MRC2: variants seen among roughly 807,000 people sequenced by gnomAD.
MRC2 encodes the protein C-type mannose receptor 2.
In MRC2, 84 loss-of-function variants were observed where a neutral mutation model predicts 206.2. The ratio of observed to expected loss-of-function variants is 0.41; its 90% confidence interval spans 0.34 to 0.49. The LOEUF (loss-of-function observed/expected upper bound fraction) is 0.49. Among genes scored for constraint, MRC2 ranks in the 20% least tolerant of loss-of-function variants. The pLI is 0.31. For missense variants in MRC2, 1,676 were observed against 2,001.5 expected, an observed-to-expected ratio of 0.84 and a Z score of 3.10; for synonymous variants, 798 against 800.0, an observed-to-expected ratio of 1.00 and a Z score of 0.04.
chr17:62,667,068 A>G lies in MRC2; in HGVS notation c.973+198A>G, dbSNP rs527626187. 1.2e-3 allele frequency among the ~76,000 whole-genome samples: 184 copies of G among 152,002 alleles called. No individual in the cohort carries two copies. Among genetic ancestry groups the G allele is most frequent in the African/African-American group, 4.3e-3 (177 of 41,480 alleles). ...CCCCAGGCCGAAGGTCTTGGTGCAT[A>G]TGGACTGGGTGCCAGCCTCCACTCA... On this transcript the variant is annotated intron_variant, in intron 5 of 29. Transcript: ENST00000303375. This position sits in a 1 kb window ranked among gnomAD's most constrained non-coding sequence, Gnocchi z 4.1.
At position 62,675,926 on chromosome 17, in the gene MRC2, C is replaced by T; in HGVS notation, c.1685+21C>T. On this transcript the variant is annotated intron_variant, in intron 10 of 29. Coordinates refer to ENST00000303375, the MANE Select transcript of MRC2 (RefSeq NM_006039.5). This position sits in a 1 kb window ranked among gnomAD's most constrained non-coding sequence, Gnocchi z 4.1. ...AACAGGTACAGCAGGGGCGGGTGCCCTGACTAGCCCTTGCCCATGTCTGGG... is the reference window on the plus strand; with the variant it reads ...AACAGGTACAGCAGGGGCGGGTGCCTTGACTAGCCCTTGCCCATGTCTGGG... 6.3e-7 allele frequency: 1 copy of T among 1,597,288 alleles called. No homozygotes were observed.
intron 1 of MRC2, among the ~76,000 whole-genome samples, chr17:62,633,343 A>G (rs1164318152): frequency 6.6e-6 from 1 of 151,894 alleles, no homozygotes; most frequent in African/African-American, 2.4e-5. Flanking sequence ...TCTACTAAAA[A>G]TACAAAAAAT....
At chr17:62,676,954 C>T (rs2088900236) in intron 11 of MRC2, among the ~76,000 whole-genome samples, 1 of 152,244 alleles carries the variant, frequency 6.6e-6, no homozygotes, top group South Asian at 2.1e-4. Context: ...AATACAAGTG[C>T]TTGTTATTAC....
At chr17:62,651,381 C>A (rs574812178) in intron 1 of MRC2, among the ~76,000 whole-genome samples, 1 of 151,998 alleles carries the variant, frequency 6.6e-6, no homozygotes, top group Non-Finnish European at 1.5e-5. Flanking sequence ...TGCGCCCGGC[C>A]GACAAACATC....
intron 1 of MRC2, among the ~76,000 whole-genome samples, chr17:62,636,726 C>G (rs1029320343): frequency 6.6e-6 from 1 of 152,100 alleles, no homozygotes; most frequent in African/African-American, 2.4e-5. Context: ...CCCGCCTCAG[C>G]CTCCCAAGTG....
chr17:62,689,798 G>T (rs778494848), intron 24 of MRC2, 38 bp downstream of exon 24: 1 of 1,529,972 alleles, frequency 6.5e-7, no homozygotes. Context: ...CCCCAGCCTT[G>T]CCCGGGTTCC....
In MRC2 at chr17:62,652,859, A is replaced by C. The variant is rs1394897970; in HGVS notation, c.119-11689A>C. 8.4e-5 allele frequency among the ~76,000 whole-genome samples: 10 copies of C among 119,544 alleles called. No individual in the cohort carries two copies. The highest frequency in any genetic ancestry group is 2.7e-4 in the East Asian group (1 of 3,712). 78.4% of individuals were successfully genotyped at this position (119,544 alleles called of 152,430 possible). A position where few individuals can be genotyped will look rare whatever the true frequency, so the allele number is the denominator to read the frequency against. ...GGGGCGTGCCGCAGATTGAGGGCGA[A>C]CGGTGGCTTGGGGAGGGGCGCTCCT... On this transcript the variant is annotated intron_variant, in intron 1 of 29. Coordinates refer to ENST00000303375, the MANE Select transcript of MRC2 (RefSeq NM_006039.5). The surrounding 1 kb of genome is among the most constrained non-coding windows in gnomAD (Gnocchi z 4.6).
In MRC2 at chr17:62,680,301, C is replaced by A. The variant is rs1336692325; in HGVS notation, c.2430C>A (p.Ile810=). 3 of 1,613,912 alleles carry A rather than the reference C, an allele frequency of 1.9e-6. No individual in the cohort carries two copies. The highest frequency in any genetic ancestry group is 1.1e-5 in the South Asian group (1 of 91,074). Residue 810 remains isoleucine (I), a synonymous_variant, in exon 15 of 30, where the codon ATC becomes ATA. Transcript: ENST00000303375. This position sits in a 1 kb window ranked among gnomAD's most constrained non-coding sequence, Gnocchi z 4.8. ...CACAGCTGGACTGGATCTGCAAGAT[C>A]CCCAGAGGTTGGCCGGAGTGGCGCT... ...CDTQLDWICK[I]PRGTDVREPD...
Position 62,627,930 on chromosome 17 carries a change from T to C in MRC2, c.118+10T>C. 2 of 1,425,610 alleles carry C rather than the reference T, an allele frequency of 1.4e-6. No individual in the cohort carries two copies. Among genetic ancestry groups the C allele is most frequent in the Non-Finnish European group, 1.8e-6 (2 of 1,099,052 alleles). 88.3% of individuals were successfully genotyped at this position (1,425,610 alleles called of 1,614,324 possible). A position where few individuals can be genotyped will look rare whatever the true frequency, so the allele number is the denominator to read the frequency against. On this transcript the variant is annotated intron_variant, in intron 1 of 29. Coordinates refer to ENST00000303375, the MANE Select transcript of MRC2 (RefSeq NM_006039.5). ...GACGCCGCCCTCCCGGGTAAGGCGC[T>C]GCCAACTTGGCCAACTTCAGGGCCC...
In MRC2 at chr17:62,678,577, C is replaced by T; in HGVS notation, c.2126C>T (p.Ala709Val). The T allele has an allele frequency of 6.2e-7, 1 of 1,608,316 alleles. No individual in the cohort carries two copies. Among genetic ancestry groups the T allele is most frequent in the Non-Finnish European group, 8.5e-7 (1 of 1,178,504 alleles). ...CAGGGGGCCTGCCAGGAGCTGGGGG[C>T]CCAGCTGCTGAGCCTGGCCAGCTAC... ...QAQGACQELG[A>V]QLLSLASYEE... The change falls in exon 13 of 30, where the codon GCC (alanine) becomes GTC (valine). Residue 709 changes from alanine to valine, a missense_variant. By Grantham distance (64) the Ala-to-Val change is moderately conservative (BLOSUM62 0). Around this residue, in one of 3 missense-constraint regions of MRC2, gnomAD observed 1,354 missense variants for 1,636.6 expected, o/e 0.83. Coordinates refer to ENST00000303375, the MANE Select transcript of MRC2 (RefSeq NM_006039.5).
chr17:62,689,545 G>T lies in MRC2; in HGVS notation c.3358G>T (p.Ala1120Ser). ...AGACCCCTCCCTGAGCCCGTCCCCA[G>T]CAGCGCTGCCCCCCGCCCCGGGCAC... The part of the protein sequence containing the change: ...GTDPSLSPSP[A>S]ALPPAPGTEL... The change falls in exon 24 of 30, where the codon GCA becomes TCA. Residue 1120 changes from alanine to serine, a missense_variant. By Grantham distance (99) the Ala-to-Ser change is moderately conservative. This residue lies in a region of MRC2 where 1,354 missense variants were observed against 1,636.6 expected (regional missense o/e 0.83). Coordinates refer to ENST00000303375, the MANE Select transcript of MRC2 (RefSeq NM_006039.5). The T allele has an allele frequency of 6.3e-7, 1 of 1,588,908 alleles. No individual in the cohort carries two copies. Among genetic ancestry groups the T allele is most frequent in the Non-Finnish European group, 8.6e-7 (1 of 1,166,938 alleles).
rs1221066575 is a variant in MRC2, at chr17:62,692,401, GAGA to G, written c.4395_4397del (p.Lys1465del). On this transcript the variant is annotated inframe_deletion, in exon 30 of 30. Transcript: ENST00000303375. The surrounding 1 kb of genome is among the most constrained non-coding windows in gnomAD (Gnocchi z 4.2). ...CAGCTCCAGCCCCACCGAGGCCACT[GAGA>G]AGAACATCCTGGTGTCAGACATGGA... is the stretch of plus-strand genomic sequence containing the variant. 6.3e-7 allele frequency: 1 copy of G among 1,575,036 alleles called. No individual in the cohort carries two copies. The highest frequency in any genetic ancestry group is 8.6e-7 in the Non-Finnish European group (1 of 1,160,034).
At chr17:62,658,476 C>T (rs984307074) in intron 1 of MRC2, among the ~76,000 whole-genome samples, 4 of 152,162 alleles carry the variant, frequency 2.6e-5, no homozygotes, top group Admixed American at 6.5e-5. Flanking sequence ...ATTCTAATCC[C>T]GTCCCCTTTC....
chr17:62,691,986 AG>A, intron 28 of MRC2, 125 bp from the exon 29 acceptor site: 2 of 1,227,506 alleles, frequency 1.6e-6, no homozygotes, highest in Non-Finnish European at 2.3e-6. Flanking sequence ...GTAGGATGGG[AG>A]GGGGAACTAG....
chr17:62,674,741 G>C (rs995725288), intron 9 of MRC2, among the ~76,000 whole-genome samples: 5 of 152,038 alleles, frequency 3.3e-5, no homozygotes, highest in Non-Finnish European at 7.4e-5. Flanking sequence ...GTAAGTGAGT[G>C]GGGGGTGAGT....
rs2088719074 is a variant in MRC2 at position 62,664,297 on chromosome 17, T to G, written c.119-251T>G. Reference sequence around the variant, plus strand: ...GAGGGTGGTACAGAGGACTGAGTCCTCCCTCCTGGTGAGCAGGGGCTAGAA... The same window carrying G: ...GAGGGTGGTACAGAGGACTGAGTCCGCCCTCCTGGTGAGCAGGGGCTAGAA... On this transcript the variant is annotated intron_variant, in intron 1 of 29. Coordinates refer to ENST00000303375, the MANE Select transcript of MRC2 (RefSeq NM_006039.5). This position sits in a 1 kb window ranked among gnomAD's most constrained non-coding sequence, Gnocchi z 4.7. Among the ~76,000 whole-genome samples the G allele has an allele frequency of 6.6e-6, 1 of 152,078 alleles. No individual in the cohort carries two copies. The highest frequency in any genetic ancestry group is 2.4e-5 in the African/African-American group (1 of 41,452).
intron 26 of MRC2, 78 bp from the exon 27 acceptor site, chr17:62,690,564 G>C: frequency 8.6e-6 from 13 of 1,514,500 alleles, no homozygotes; most frequent in Non-Finnish European, 1.1e-5. Context: ...CTGCAGAGAA[G>C]AGGGCTGGAG....
At chr17:62,647,561 G>T (rs968019606) in intron 1 of MRC2, among the ~76,000 whole-genome samples, 2 of 152,120 alleles carry the variant, frequency 1.3e-5, no homozygotes, top group African/African-American at 4.8e-5. Context: ...TTTCTGTTGT[G>T]TGCATAGTAT....
intron 1 of MRC2, among the ~76,000 whole-genome samples, chr17:62,633,294 A>G (rs2088268147): frequency 6.6e-6 from 1 of 151,968 alleles, no homozygotes; most frequent in African/African-American, 2.4e-5. Flanking sequence ...TGAAGTCAGG[A>G]GATCGAGATC....
Sources: allele counts gnomAD v4.1 joint callset (sites outside exome capture counted in the v4.1 genomes callset), GRCh38; gene constraint gnomAD v4.1.1; regional missense constraint gnomAD v4.1.1; non-coding constraint Gnocchi (gnomAD v3.1); transcripts MANE v1.5; gene names NCBI Gene and HGNC (gene_info 2026-07-23, HGNC 2026-07-21).